Variants in CREB5 observed in about 807,000 individuals in gnomAD.
CREB5 encodes cAMP responsive element binding protein 5, also known as cyclic AMP-responsive element-binding protein 5.
A neutral mutation model predicts 57.1 loss-of-function variants in CREB5; 19 were observed. The ratio of observed to expected loss-of-function variants is 0.33; its 90% confidence interval spans 0.23 to 0.49. The LOEUF is 0.49. CREB5 is among the 20% of genes least tolerant of loss of function. The probability of loss-of-function intolerance (pLI) is 0.99; values close to 1 mark genes in which losing one functional copy is unlikely to be tolerated. For missense variants in CREB5, 579 were observed against 671.6 expected (o/e 0.86, Z 1.52); for synonymous variants, 238 against 238.3 (o/e 1.00, Z 0.01).
intron 5 of CREB5, among the ~76,000 whole-genome samples, chr7:28,701,422 TG>T (rs1349697437): frequency 6.6e-6 from 1 of 152,246 alleles, no homozygotes; most frequent in Admixed American, 6.5e-5. Flanking sequence ...AGATTTATTC[TG>T]TAAAGTACAA....
intron 1 of CREB5, among the ~76,000 whole-genome samples, chr7:28,350,547 T>C (rs996190990): frequency 9.9e-5 from 15 of 151,730 alleles, no homozygotes; most frequent in Admixed American, 9.9e-4. Context: ...CTTAATCTAG[T>C]AGCTGTTGAG....
intron 5 of CREB5, among the ~76,000 whole-genome samples, chr7:28,672,978 C>T (rs1219971859): frequency 1.3e-5 from 2 of 152,126 alleles, no homozygotes; most frequent in African/African-American, 4.8e-5. Flanking sequence ...CTTGAGTCCC[C>T]TGGACCCCAG....
Position 28,737,538 on chromosome 7 carries a change from CGTATATATATAT to C in CREB5, c.702+13207_702+13218del, listed in dbSNP as rs1310281568. ...GTGTGTGTATATATGTATATATATA[CGTATATATATAT>C]ATATATATATATATATATATATATA... On this transcript the variant is annotated intron_variant, in intron 7 of 10. Coordinates refer to ENST00000357727, the MANE Select transcript of CREB5 (RefSeq NM_182898.4). Among the ~76,000 whole-genome samples the C allele has an allele frequency of 3.2e-3, 154 of 47,912 alleles. 4 individuals carry two copies. The highest frequency in any genetic ancestry group is 9.6e-3 in the South Asian group (14 of 1,456). 31.4% of individuals were successfully genotyped at this position (47,912 alleles called of 152,430 possible).
intron 7 of CREB5, among the ~76,000 whole-genome samples, chr7:28,731,999 C>T (rs1402212093): frequency 6.6e-6 from 1 of 152,144 alleles, no homozygotes; most frequent in Admixed American, 6.5e-5. Context: ...CATGTTTTCT[C>T]GCTGTTTTCT....
chr7:28,382,081 G>A (rs900551138), intron 1 of CREB5, among the ~76,000 whole-genome samples: 1 of 152,140 alleles, frequency 6.6e-6, no homozygotes, highest in African/African-American at 2.4e-5. Flanking sequence ...AGAGCCCAGG[G>A]GCCACTGGTT....
At chr7:28,372,941 G>A (rs902503534) in intron 1 of CREB5, among the ~76,000 whole-genome samples, 1 of 152,194 alleles carries the variant, frequency 6.6e-6, no homozygotes, top group African/African-American at 2.4e-5. Flanking sequence ...TGCTGCATTA[G>A]CAGTGTGGTG....
rs182934490 is a variant in CREB5, at chr7:28,770,199, T to C, written c.703-34000T>C. On this transcript the variant is annotated intron_variant, in intron 7 of 10. Coordinates refer to ENST00000357727, the MANE Select transcript of CREB5 (RefSeq NM_182898.4). ...AAAGGGGAGAGAAGAGTGGAGTTAA[T>C]ATGACAGGGCTTCAGCTTCAACTTG... 2.4e-3 allele frequency among the ~76,000 whole-genome samples: 359 copies of C among 152,342 alleles called. 2 individuals are homozygous for C. The highest frequency in any genetic ancestry group is 7.9e-3 in the African/African-American group (327 of 41,582).
intron 1 of CREB5, among the ~76,000 whole-genome samples, chr7:28,316,964 C>T (rs545439293): frequency 2.6e-5 from 4 of 151,194 alleles, no homozygotes; most frequent in East Asian, 1.9e-4. Context: ...AATATGACTT[C>T]GCCTACCATA....
At chr7:28,399,187 G>C (rs1787396190) in intron 1 of CREB5, among the ~76,000 whole-genome samples, 3 of 151,786 alleles carry the variant, frequency 2.0e-5, no homozygotes, top group Non-Finnish European at 4.4e-5. Context: ...CCCAAGTATT[G>C]ACATCATAAC....
At chr7:28,484,729 A>G (rs1344254532) in intron 1 of CREB5, among the ~76,000 whole-genome samples, 1 of 152,178 alleles carries the variant, frequency 6.6e-6, no homozygotes, top group Non-Finnish European at 1.5e-5. Flanking sequence ...ACCCAGTAGA[A>G]CCTATCAATG....
At chr7:28,468,233 A>G (rs1285788101) in intron 1 of CREB5, among the ~76,000 whole-genome samples, 1 of 152,212 alleles carries the variant, frequency 6.6e-6, no homozygotes, top group Non-Finnish European at 1.5e-5. Context: ...GGCCAGCACC[A>G]GGTCCTGTCT....
chr7:28,531,686 A>G (rs753114256), intron 4 of CREB5, among the ~76,000 whole-genome samples: 12 of 152,144 alleles, frequency 7.9e-5, no homozygotes, highest in Admixed American at 3.9e-4. Flanking sequence ...TTTACTTTAC[A>G]TAGGAATTCT....
chr7:28,466,210 T>TAAAAAAAAAAAAAAAAAAAAAAAAAA, intron 1 of CREB5, among the ~76,000 whole-genome samples: 1 of 94,746 alleles, frequency 1.1e-5, no homozygotes, highest in Non-Finnish European at 2.1e-5. Flanking sequence ...TGACTGGAGT[T>TAAAAAAAAAAAAAAAAAAAAAAAAAA]AAAAAAAAAA....
At chr7:28,399,865 A>C (rs1412725202) in intron 1 of CREB5, among the ~76,000 whole-genome samples, 1 of 151,764 alleles carries the variant, frequency 6.6e-6, no homozygotes, top group East Asian at 1.9e-4. Flanking sequence ...GACCAGCCTG[A>C]CCAACATGGT....
chr7:28,538,677 G>A (rs1009320876), intron 4 of CREB5, among the ~76,000 whole-genome samples: 2 of 151,876 alleles, frequency 1.3e-5, no homozygotes, highest in Non-Finnish European at 2.9e-5. Flanking sequence ...TCTTAAGATG[G>A]ATACTTCGAT....
At chr7:28,787,598 G>A (rs1271642052) in intron 7 of CREB5, among the ~76,000 whole-genome samples, 1 of 152,172 alleles carries the variant, frequency 6.6e-6, no homozygotes, top group East Asian at 1.9e-4. Flanking sequence ...ACAAGGTTTT[G>A]CTCTGTTGCC....
intron 1 of CREB5, among the ~76,000 whole-genome samples, chr7:28,403,246 CAG>C (rs1422609192): frequency 6.6e-6 from 1 of 152,196 alleles, no homozygotes. Context: ...AAACTGGACT[CAG>C]GGCCAGTTGG....
chr7:28,553,564 T>C (rs1420703295), intron 4 of CREB5, among the ~76,000 whole-genome samples: 1 of 152,178 alleles, frequency 6.6e-6, no homozygotes, highest in African/African-American at 2.4e-5. Flanking sequence ...ACACAATCTG[T>C]ATATGAAACC....
chr7:28,797,402 G>A (rs1313899870), intron 7 of CREB5, among the ~76,000 whole-genome samples: 1 of 152,074 alleles, frequency 6.6e-6, no homozygotes, highest in African/African-American at 2.4e-5. Flanking sequence ...AATATCTTCA[G>A]TTAGTAAGTT....
Sources: gnomAD v4.1 joint callset for allele counts (sites outside exome capture counted in the v4.1 genomes callset) on GRCh38, gnomAD v4.1.1 for gene constraint, MANE v1.5 for transcripts, NCBI Gene and HGNC (gene_info 2026-07-23, HGNC 2026-07-21) for gene names.